The following GALNT12 variants were observed in gnomAD, a reference collection of about 807,000 sequenced individuals.
The protein encoded by GALNT12 is polypeptide N-acetylgalactosaminyltransferase 12.
GALNT12 carries 45 observed loss-of-function variants against 55.5 expected under a neutral mutation model. The observed-to-expected ratio is 0.81, with a 90% CI of 0.64 to 1.04. GALNT12 has a LOEUF of 1.04. Among genes scored for constraint, GALNT12 ranks in the 50% least tolerant of loss-of-function variants. The pLI is 0.00. For missense variants in GALNT12, 709 were observed against 754.8 expected, an observed-to-expected ratio of 0.94 and a Z score of 0.71; for synonymous variants, 304 against 312.2, an observed-to-expected ratio of 0.97 and a Z score of 0.28.
chr9:98,818,445 G>A (rs181079233), intron 1 of GALNT12, among the ~76,000 whole-genome samples: 96 of 152,122 alleles, frequency 6.3e-4, no homozygotes, highest in Non-Finnish European at 5.9e-4. Flanking sequence ...GGCTTGTCTC[G>A]AACTCCTGAC....
At chr9:98,830,109 A>T (rs1252682599) in intron 3 of GALNT12, among the ~76,000 whole-genome samples, 7 of 152,156 alleles carry the variant, frequency 4.6e-5, no homozygotes. Flanking sequence ...TGAGGGTTCA[A>T]CCTGGGGAGC....
At chr9:98,821,162 A>G (rs1263804701) in intron 1 of GALNT12, among the ~76,000 whole-genome samples, 5 of 152,262 alleles carry the variant, frequency 3.3e-5, no homozygotes, top group African/African-American at 1.2e-4. Context: ...GGCGTGTGCC[A>G]TCATGCCCGG....
At chr9:98,812,348 T>C (rs948793978) in intron 1 of GALNT12, among the ~76,000 whole-genome samples, 2 of 152,126 alleles carry the variant, frequency 1.3e-5, no homozygotes, top group African/African-American at 4.8e-5. Flanking sequence ...CTCAACACTT[T>C]GGAAGGCCGA....
intron 3 of GALNT12, among the ~76,000 whole-genome samples, chr9:98,827,673 G>A (rs1404408239): frequency 6.6e-6 from 1 of 152,156 alleles, no homozygotes; most frequent in Admixed American, 6.5e-5. Context: ...AAGGAACCCA[G>A]ATAAATGTTA....
chr9:98,822,590 C>T (rs1030309248), intron 1 of GALNT12, among the ~76,000 whole-genome samples: 7 of 152,148 alleles, frequency 4.6e-5, no homozygotes, highest in Non-Finnish European at 8.8e-5. Context: ...CTGTAGAGTC[C>T]TTCCTGGAGT....
At position 98,808,023 on chromosome 9, in the gene GALNT12, G is replaced by T. The variant is rs773910987; in HGVS notation, c.325G>T (p.Asp109Tyr). Residue 109 changes from aspartate to tyrosine, a missense_variant, in exon 1 of 10, where the codon GAC becomes TAC. Asp to Tyr is a radical substitution (Grantham distance 160). Transcript: ENST00000375011. ...RLHQINIYLS[D>Y]RISLHRRLPE... The stretch of plus-strand genomic sequence containing the variant: ...GCACCAGATTAACATCTACCTCAGC[G>T]ACCGCATCTCACTGCACCGCCGCCT... 1.0e-5 allele frequency: 16 copies of T among 1,573,474 alleles called. No homozygotes were observed. The highest frequency in any genetic ancestry group is 1.7e-6 in the Non-Finnish European group (2 of 1,163,090).
At chr9:98,813,808 TAA>T (rs35284739) in intron 1 of GALNT12, among the ~76,000 whole-genome samples, 4 of 149,612 alleles carry the variant, frequency 2.7e-5, no homozygotes, top group South Asian at 2.1e-4. Context: ...CCAAGAGATT[TAA>T]AAAAAAAAAA....
At chr9:98,827,554 A>T (rs1347386587) in intron 3 of GALNT12, among the ~76,000 whole-genome samples, 2 of 152,164 alleles carry the variant, frequency 1.3e-5, no homozygotes, top group Non-Finnish European at 2.9e-5. Context: ...ATCCTCAGTC[A>T]AATAGAATGG....
chr9:98,810,915 AAGTC>A (rs1440213976), intron 1 of GALNT12, among the ~76,000 whole-genome samples: 1 of 152,210 alleles, frequency 6.6e-6, no homozygotes, highest in African/African-American at 2.4e-5. Context: ...TATAGTAAGT[AAGTC>A]AGTAAGCATA....
At chr9:98,844,031 C>A in intron 7 of GALNT12, 65 bp from the exon 8 acceptor site, 1 of 1,114,428 alleles carries the variant, frequency 9.0e-7, no homozygotes, top group Non-Finnish European at 1.4e-6. Flanking sequence ...CCTCCCCAAG[C>A]CTTGTGTGGC....
chr9:98,842,083 G>A lies in GALNT12; in HGVS notation c.1344+1950G>A, dbSNP rs201252614. On this transcript the variant is annotated intron_variant, in intron 7 of 9. Transcript: ENST00000375011. Reference sequence around the variant, plus strand: ...TATCTACTGGGTTGTTTTTTTTTTTGTTGTGGCTCATTGTTTTTTTTGGCT... The same window carrying A: ...TATCTACTGGGTTGTTTTTTTTTTTATTGTGGCTCATTGTTTTTTTTGGCT... Among the ~76,000 whole-genome samples the A allele has an allele frequency of 4.9e-5, 7 of 141,698 alleles. No individual in the cohort carries two copies. The Admixed American group carries it at 4.9e-4, about 10-fold the overall frequency. 93.0% of individuals were successfully genotyped at this position (141,698 alleles called of 152,430 possible). A position where few individuals can be genotyped will look rare whatever the true frequency, so the allele number is the denominator to read the frequency against.
intron 4 of GALNT12, among the ~76,000 whole-genome samples, chr9:98,835,009 A>G (rs750389337): frequency 1.3e-5 from 2 of 152,040 alleles, no homozygotes; most frequent in Non-Finnish European, 2.9e-5. Context: ...ACCTTAGTTA[A>G]CATATTTAGC....
chr9:98,846,240 T>C, intron 9 of GALNT12, 117 bp downstream of exon 9: 1 of 1,341,678 alleles, frequency 7.5e-7, no homozygotes, highest in Non-Finnish European at 1.1e-6. Flanking sequence ...TGGCCATGCA[T>C]GGACAGGAGC....
chr9:98,831,941 C>G lies in GALNT12; in HGVS notation c.901C>G (p.Pro301Ala), dbSNP rs973765987. 2 of 1,613,844 alleles carry G rather than the reference C, an allele frequency of 1.2e-6. No homozygotes were observed. The highest frequency in any genetic ancestry group is 1.1e-5 in the South Asian group (1 of 91,024). Residue 301 changes from proline to alanine, a missense_variant, in exon 4 of 10, where the codon CCC (proline) becomes GCC (alanine). This residue lies in a region of GALNT12 where 315 missense variants were observed against 288.6 expected (regional missense o/e 1.09). Transcript: ENST00000375011. The stretch of plus-strand genomic sequence containing the variant: ...GAGGGAGAGGATACGGATGCAATCC[C>G]CCGTCGATGTCATCAGGTCAGGAGC... ...PERERIRMQS[P>A]VDVIRSPTMA... is the part of the protein sequence containing the mutation.
In GALNT12 at chr9:98,807,842, C is replaced by G. The variant is rs1060504772; in HGVS notation, c.144C>G (p.Ala48=). ...AGCGTGGGGCCGGGGCCGGGGCTGCCGAGCCGGGACCCCCGCGCACCCCGC... is the reference window on the plus strand; with the variant it reads ...AGCGTGGGGCCGGGGCCGGGGCTGCGGAGCCGGGACCCCCGCGCACCCCGC... ...RAQRGAGAGA[A]EPGPPRTPRP... is the part of the protein sequence containing the mutation. The change falls in exon 1 of 10, where the codon GCC becomes GCG. Residue 48 remains alanine (A), a synonymous_variant. Transcript: ENST00000375011. 7.3e-5 allele frequency: 74 copies of G among 1,009,410 alleles called. No homozygotes were observed. The highest frequency in any genetic ancestry group is 7.2e-4 in the Admixed American group (12 of 16,780). 62.5% of individuals were successfully genotyped at this position (1,009,410 alleles called of 1,614,324 possible). A position where few individuals can be genotyped will look rare whatever the true frequency, so the allele number is the denominator to read the frequency against.
intron 1 of GALNT12, among the ~76,000 whole-genome samples, chr9:98,814,346 T>G (rs1271450641): frequency 6.6e-6 from 1 of 152,180 alleles, no homozygotes; most frequent in Admixed American, 6.5e-5. Context: ...CTTGGCCTTT[T>G]CTACAGAGGA....
chr9:98,816,917 C>T (rs564431471), intron 1 of GALNT12, among the ~76,000 whole-genome samples: 1 of 151,140 alleles, frequency 6.6e-6, no homozygotes, highest in East Asian at 2.0e-4. Context: ...CTCTGCCTTC[C>T]GGGTTCATGC....
At chr9:98,812,418 C>T (rs1002895265) in intron 1 of GALNT12, among the ~76,000 whole-genome samples, 7 of 152,052 alleles carry the variant, frequency 4.6e-5, no homozygotes, top group African/African-American at 1.4e-4. Context: ...TGGTGAAAAC[C>T]TGTCTGTACT....
rs757965806 is a variant in GALNT12, at chr9:98,836,955, C to T, written c.1036-17C>T. ...TCCCCTGCTCACCACCTGGCCTCTC[C>T]TTTTCTCTGTGTGCAGATCTGGCAG... is the stretch of plus-strand genomic sequence containing the variant. On this transcript the variant is annotated splice_polypyrimidine_tract_variant and intron_variant, in intron 5 of 9. Coordinates refer to ENST00000375011, the MANE Select transcript of GALNT12 (RefSeq NM_024642.5). 3.7e-6 allele frequency: 6 copies of T among 1,613,972 alleles called. No individual in the cohort carries two copies. In the South Asian group the frequency reaches 6.6e-5, roughly 18 times the overall value.
Sources: allele counts gnomAD v4.1 joint callset (sites outside exome capture counted in the v4.1 genomes callset), GRCh38; gene constraint gnomAD v4.1.1; regional missense constraint gnomAD v4.1.1; transcripts MANE v1.5; gene names NCBI Gene and HGNC (gene_info 2026-07-23, HGNC 2026-07-21).